Variants in SLC25A21 observed in about 807,000 individuals in gnomAD.
SLC25A21 encodes solute carrier family 25 member 21.
Under a neutral mutation model 43.8 loss-of-function variants are expected in SLC25A21, and 47 were observed. That is an observed-to-expected ratio of 1.07 (90% CI 0.85 to 1.37). The LOEUF (loss-of-function observed/expected upper bound fraction) is 1.37. Ranked by LOEUF, SLC25A21 falls within the 40% of genes most tolerant of loss-of-function variation. The pLI is 0.00. For missense variants in SLC25A21, 352 were observed against 350.2 expected, an observed-to-expected ratio of 1.00 and a Z score of -0.04; for synonymous variants, 131 against 121.3, an observed-to-expected ratio of 1.08 and a Z score of -0.52.
At chr14:36,886,730 A>C (rs1380602869) in intron 1 of SLC25A21, among the ~76,000 whole-genome samples, 4 of 152,186 alleles carry the variant, frequency 2.6e-5, no homozygotes, top group Non-Finnish European at 1.5e-5. Flanking sequence ...AACTAATGAA[A>C]ATCTCACCTG....
At chr14:36,937,421 C>T (rs1054023137) in intron 1 of SLC25A21, among the ~76,000 whole-genome samples, 1 of 152,198 alleles carries the variant, frequency 6.6e-6, no homozygotes, top group Non-Finnish European at 1.5e-5. Flanking sequence ...GTGACTGGAA[C>T]AGCCTTTTTT....
intron 1 of SLC25A21, among the ~76,000 whole-genome samples, chr14:37,086,259 G>A (rs1962485158): frequency 6.6e-6 from 1 of 152,062 alleles, no homozygotes; most frequent in African/African-American, 2.4e-5. Flanking sequence ...TATTACAACT[G>A]TTTGGCTAGG....
chr14:36,910,718 T>C (rs1044864684), intron 1 of SLC25A21, among the ~76,000 whole-genome samples: 4 of 152,180 alleles, frequency 2.6e-5, no homozygotes, highest in South Asian at 2.1e-4. Flanking sequence ...CTCCTAGAAG[T>C]ATCATGAAAA....
At chr14:36,841,720 A>G (rs771345272) in intron 2 of SLC25A21, among the ~76,000 whole-genome samples, 1 of 152,030 alleles carries the variant, frequency 6.6e-6, no homozygotes, top group Non-Finnish European at 1.5e-5. Flanking sequence ...GTGGTTCCCT[A>G]TTGCCTAGCC....
chr14:37,060,462 G>A (rs1409217678), intron 1 of SLC25A21, among the ~76,000 whole-genome samples: 1 of 150,416 alleles, frequency 6.6e-6, no homozygotes. Context: ...GGTGGAAACT[G>A]TAAAGAATTA....
At chr14:36,832,494 C>T (rs895878881) in intron 2 of SLC25A21, among the ~76,000 whole-genome samples, 2 of 152,066 alleles carry the variant, frequency 1.3e-5, no homozygotes, top group East Asian at 1.9e-4. Context: ...CTTTTTTGCA[C>T]TTTTATAGTT....
intron 1 of SLC25A21, among the ~76,000 whole-genome samples, chr14:37,040,864 C>T (rs945261578): frequency 6.6e-6 from 1 of 151,410 alleles, no homozygotes; most frequent in Non-Finnish European, 1.5e-5. Context: ...ATGTTTGAGG[C>T]TTGAGCAACT....
At chr14:36,942,637 A>T (rs1275633854) in intron 1 of SLC25A21, among the ~76,000 whole-genome samples, 3 of 152,204 alleles carry the variant, frequency 2.0e-5, no homozygotes, top group Admixed American at 6.5e-5. Context: ...GAGAGGAAAA[A>T]GACCAGCTGT....
chr14:37,109,767 T>G (rs971021466), intron 1 of SLC25A21, among the ~76,000 whole-genome samples: 1 of 152,156 alleles, frequency 6.6e-6, no homozygotes, highest in Admixed American at 6.6e-5. Flanking sequence ...AGATTATATC[T>G]TTGGTCCTTT....
intron 1 of SLC25A21, among the ~76,000 whole-genome samples, chr14:36,919,946 T>C (rs2138622844): frequency 6.6e-6 from 1 of 152,234 alleles, no homozygotes; most frequent in African/African-American, 2.4e-5. Flanking sequence ...AAAGCTCTCG[T>C]TTTGTATATA....
intron 1 of SLC25A21, among the ~76,000 whole-genome samples, chr14:36,880,861 C>A (rs1289204871): frequency 3.3e-5 from 5 of 152,136 alleles, no homozygotes; most frequent in Non-Finnish European, 5.9e-5. Context: ...ATCTAATAGA[C>A]TGACAGATGA....
At chr14:37,149,142 G>GT (rs142665911) in intron 1 of SLC25A21, among the ~76,000 whole-genome samples, 8,499 of 150,942 alleles carry the variant, frequency 0.056, 776 homozygotes, top group African/African-American at 0.19. Context: ...TATCACCACT[G>GT]TTTTTTTTTA....
chr14:36,697,586 G>A (rs1013563291), intron 7 of SLC25A21, among the ~76,000 whole-genome samples: 11 of 152,066 alleles, frequency 7.2e-5, no homozygotes, highest in Admixed American at 1.3e-4. Context: ...TTATGAATCT[G>A]GGTGCTCCTG....
At chr14:36,717,882 A>G (rs1884210724) in intron 6 of SLC25A21, among the ~76,000 whole-genome samples, 1 of 152,220 alleles carries the variant, frequency 6.6e-6, no homozygotes, top group African/African-American at 2.4e-5. Flanking sequence ...GATTTGAAAT[A>G]TCAACTGAGT....
rs894434219 is a variant in SLC25A21 at position 36,680,169 on chromosome 14, C to A, written c.*489G>T. On this transcript the variant is annotated 3_prime_UTR_variant, in exon 10 of 10. Coordinates refer to ENST00000331299, the MANE Select transcript of SLC25A21 (RefSeq NM_030631.4). Reference sequence around the variant, plus strand: ...CACTTTAAAAAATTTTTCTTGTGCTCTTTAAATATTATTTATGGAATAATT... The same window carrying A: ...CACTTTAAAAAATTTTTCTTGTGCTATTTAAATATTATTTATGGAATAATT... 1.2e-6 allele frequency: 1 copy of A among 841,638 alleles called. No individual in the cohort carries two copies. Among genetic ancestry groups the A allele is most frequent in the Non-Finnish European group, 1.4e-6 (1 of 700,010 alleles). 52.1% of individuals were successfully genotyped at this position (841,638 alleles called of 1,614,324 possible).
Position 37,172,431 on chromosome 14 carries a change from G to T in SLC25A21, c.-81C>A. 1 of 1,436,754 alleles carries T rather than the reference G, an allele frequency of 7.0e-7. No individual in the cohort carries two copies. Among genetic ancestry groups the T allele is most frequent in the South Asian group, 1.2e-5 (1 of 81,792 alleles). 89.0% of individuals were successfully genotyped at this position (1,436,754 alleles called of 1,614,324 possible). On this transcript the variant is annotated 5_prime_UTR_variant, in exon 1 of 10. Transcript: ENST00000331299. ...CCTGCACAGCCTACTGATCCAGAGA[G>T]CCCCGGCTGGGCTGGTCCTCAAGCG...
Position 36,986,486 on chromosome 14 carries a change from A to G in SLC25A21, c.71-111482T>C, listed in dbSNP as rs549714797. ...AGGAATTAATCTGTGGGAATCCTGA[A>G]GACTTCCCACAATGCGGTTGCTTTC... On this transcript the variant is annotated intron_variant, in intron 1 of 9. Transcript: ENST00000331299. Among the ~76,000 whole-genome samples, 136 of 152,300 alleles carry G rather than the reference A, an allele frequency of 8.9e-4. 1 individual carries two copies. The highest frequency in any genetic ancestry group is 3.1e-3 in the African/African-American group (127 of 41,576).
intron 1 of SLC25A21, among the ~76,000 whole-genome samples, chr14:37,064,548 T>A (rs1172749196): frequency 2.0e-5 from 3 of 152,184 alleles, no homozygotes; most frequent in Non-Finnish European, 4.4e-5. Context: ...CTTCCTAGCC[T>A]GGATCCCCAA....
At chr14:37,114,799 TTGG>T (rs892112111) in intron 1 of SLC25A21, among the ~76,000 whole-genome samples, 6 of 150,730 alleles carry the variant, frequency 4.0e-5, no homozygotes, top group Non-Finnish European at 1.5e-5. Context: ...GGGGGGGGAA[TTGG>T]TGGTTTTCAT....
Sources: allele counts gnomAD v4.1 joint callset (sites outside exome capture counted in the v4.1 genomes callset), GRCh38; gene constraint gnomAD v4.1.1; transcripts MANE v1.5; gene names NCBI Gene and HGNC (gene_info 2026-07-23, HGNC 2026-07-21).